The following CAMKMT variants were observed in gnomAD, a reference collection of about 807,000 sequenced individuals.
The protein encoded by CAMKMT is CaM KMT.
CAMKMT carries 53 observed loss-of-function variants against 48.0 expected under a neutral mutation model. The ratio of observed to expected loss-of-function variants is 1.10; its 90% CI spans 0.89 to 1.39. The LOEUF is 1.39. CAMKMT is among the 40% of genes most tolerant of loss of function. CAMKMT has a pLI of 0.00. For synonymous variants in CAMKMT, 165 were observed against 152.3 expected, an observed-to-expected ratio of 1.08 and a Z score of -0.61; for missense variants, 428 against 402.7, an observed-to-expected ratio of 1.06 and a Z score of -0.54.
intron 3 of CAMKMT, among the ~76,000 whole-genome samples, chr2:44,687,719 G>A (rs553249619): frequency 3.2e-4 from 49 of 152,366 alleles, no homozygotes; most frequent in South Asian, 2.9e-3. Flanking sequence ...GGTTTTGAGC[G>A]AATAGCCCTA....
chr2:44,461,450 T>TA (rs1325327111), intron 3 of CAMKMT, among the ~76,000 whole-genome samples: 1 of 152,206 alleles, frequency 6.6e-6, no homozygotes, highest in Non-Finnish European at 1.5e-5. Context: ...GAGGTGGGAT[T>TA]AAAACCTAGG....
chr2:44,481,336 A>T (rs1280798387), intron 3 of CAMKMT, among the ~76,000 whole-genome samples: 3 of 152,108 alleles, frequency 2.0e-5, no homozygotes, highest in African/African-American at 7.2e-5. Flanking sequence ...AATTATGTGC[A>T]TTTTTTTGTC....
intron 3 of CAMKMT, among the ~76,000 whole-genome samples, chr2:44,505,657 T>A (rs1430215073): frequency 6.6e-6 from 1 of 152,114 alleles, no homozygotes; most frequent in African/African-American, 2.4e-5. Flanking sequence ...CATCTTACCA[T>A]TGAATAGGCT....
chr2:44,516,325 G>A (rs1479216657), intron 3 of CAMKMT, among the ~76,000 whole-genome samples: 1 of 152,154 alleles, frequency 6.6e-6, no homozygotes, highest in African/African-American at 2.4e-5. Context: ...ATTATTTTTA[G>A]CATGCATTTT....
intron 3 of CAMKMT, among the ~76,000 whole-genome samples, chr2:44,496,658 C>A (rs925605779): frequency 2.6e-5 from 4 of 152,176 alleles, no homozygotes; most frequent in Non-Finnish European, 5.9e-5. Context: ...ATCTGGTGGT[C>A]TTCTACGTTC....
intron 3 of CAMKMT, among the ~76,000 whole-genome samples, chr2:44,399,771 T>G (rs1682193850): frequency 6.6e-6 from 1 of 152,056 alleles, no homozygotes; most frequent in Non-Finnish European, 1.5e-5. Context: ...TTGCAGGAGG[T>G]GAGCCTGGGG....
intron 3 of CAMKMT, among the ~76,000 whole-genome samples, chr2:44,702,133 T>A (rs1677294283): frequency 6.6e-6 from 1 of 152,216 alleles, no homozygotes; most frequent in South Asian, 2.1e-4. Context: ...TCTATCATTT[T>A]TTTAAAACCT....
chr2:44,587,475 C>T (rs1438453489), intron 3 of CAMKMT, among the ~76,000 whole-genome samples: 4 of 143,734 alleles, frequency 2.8e-5, no homozygotes, highest in African/African-American at 7.8e-5. Flanking sequence ...TCTCCCTCTC[C>T]GTCTCCCTCT....
In CAMKMT at chr2:44,372,847, A is replaced by G. The variant is rs776881690; in HGVS notation, c.270A>G (p.Gln90=). 61 of 1,613,856 alleles carry G rather than the reference A, an allele frequency of 3.8e-5. 1 individual carries two copies. In the South Asian group the frequency reaches 6.4e-4, roughly 17 times the overall value. ...ETEEEVGAWV[Q]YTSIFCPEYS... is the part of the protein sequence containing the mutation. ...AAGAGGAGGTTGGTGCATGGGTCCA[A>G]TATACAAGCATCTTCTGTCCTGAAT... The change falls in exon 2 of 11, where the codon CAA becomes CAG. Residue 90 remains glutamine, a synonymous_variant. Transcript: ENST00000378494.
At chr2:44,467,237 G>A (rs1668166689) in intron 3 of CAMKMT, among the ~76,000 whole-genome samples, 1 of 151,080 alleles carries the variant, frequency 6.6e-6, no homozygotes, top group African/African-American at 2.4e-5. Flanking sequence ...GCAAGACCCT[G>A]TCTCCAAAAA....
chr2:44,611,325 C>G lies in CAMKMT; in HGVS notation c.377-92958C>G, dbSNP rs1047849188. Among the ~76,000 whole-genome samples the G allele has an allele frequency of 2.6e-5, 4 of 151,838 alleles. No individual in the cohort carries two copies. In the South Asian group the frequency reaches 8.3e-4, roughly 32 times the overall value. On this transcript the variant is annotated intron_variant, in intron 3 of 10. Transcript: ENST00000378494. ...GTACACACCTGTAATCCCAGCTACTCGGGAGGGTGAGGCAGGAGAATCACT... is the reference window on the plus strand; with the variant it reads ...GTACACACCTGTAATCCCAGCTACTGGGGAGGGTGAGGCAGGAGAATCACT...
intron 7 of CAMKMT, among the ~76,000 whole-genome samples, chr2:44,730,298 A>T (rs1033754581): frequency 3.3e-5 from 5 of 152,106 alleles, no homozygotes; most frequent in African/African-American, 1.2e-4. Context: ...ATGCAGTTCC[A>T]CCTTCTTCAG....
intron 3 of CAMKMT, among the ~76,000 whole-genome samples, chr2:44,489,114 C>A (rs1263099199): frequency 6.6e-6 from 1 of 152,104 alleles, no homozygotes; most frequent in Non-Finnish European, 1.5e-5. Flanking sequence ...CAATCCTCCT[C>A]CTGCCTCAGC....
At chr2:44,540,817 C>A (rs1454876604) in intron 3 of CAMKMT, among the ~76,000 whole-genome samples, 1 of 152,158 alleles carries the variant, frequency 6.6e-6, no homozygotes, top group Non-Finnish European at 1.5e-5. Context: ...GCTTTTAGGC[C>A]CCCAGAGGGG....
intron 3 of CAMKMT, among the ~76,000 whole-genome samples, chr2:44,473,873 C>G (rs1221858381): frequency 6.6e-6 from 1 of 152,152 alleles, no homozygotes; most frequent in Non-Finnish European, 1.5e-5. Context: ...CGTCATTTAT[C>G]TCTGCCCTTC....
rs183606898 is a variant in CAMKMT at position 44,455,203 on chromosome 2, G to A, written c.376+64898G>A. On this transcript the variant is annotated intron_variant, in intron 3 of 10. Coordinates refer to ENST00000378494, the MANE Select transcript of CAMKMT (RefSeq NM_024766.5). Reference sequence around the variant, plus strand: ...ATTTGTGAGGAGGAAACTGTGAAACGTGAAAGTAGGACTGGGGATTCCAGG... The same window carrying A: ...ATTTGTGAGGAGGAAACTGTGAAACATGAAAGTAGGACTGGGGATTCCAGG... 1.4e-4 allele frequency among the ~76,000 whole-genome samples: 21 copies of A among 152,308 alleles called. No homozygotes were observed. The East Asian group carries it at 4.0e-3, about 29-fold the overall frequency.
At chr2:44,460,984 A>C (rs1459754081) in intron 3 of CAMKMT, among the ~76,000 whole-genome samples, 1 of 152,096 alleles carries the variant, frequency 6.6e-6, no homozygotes, top group Non-Finnish European at 1.5e-5. Flanking sequence ...TCAGCCTCCC[A>C]AAGTGCTGGG....
At chr2:44,547,731 G>A (rs1667483069) in intron 3 of CAMKMT, among the ~76,000 whole-genome samples, 1 of 152,134 alleles carries the variant, frequency 6.6e-6, no homozygotes, top group Non-Finnish European at 1.5e-5. Context: ...ATTTCATAGG[G>A]TTACTATGAG....
intron 3 of CAMKMT, among the ~76,000 whole-genome samples, chr2:44,562,302 G>A (rs1249956575): frequency 6.6e-6 from 1 of 152,070 alleles, no homozygotes; most frequent in Non-Finnish European, 1.5e-5. Flanking sequence ...CACAGTCTCT[G>A]TTTACCCTTC....
Sources: gnomAD v4.1 joint callset for allele counts (sites outside exome capture counted in the v4.1 genomes callset) on GRCh38, gnomAD v4.1.1 for gene constraint, MANE v1.5 for transcripts, NCBI Gene and HGNC (gene_info 2026-07-23, HGNC 2026-07-21) for gene names.